Variants in TRMT11 observed in about 807,000 individuals in gnomAD.
TRMT11 encodes tRNA (guanine(10)-N(2))-methyltransferase TRMT11.
Under a neutral mutation model 62.8 loss-of-function variants are expected in TRMT11, and 53 were observed. The observed-to-expected ratio is 0.84, with a 90% confidence interval of 0.68 to 1.06. The LOEUF is 1.06. Among genes scored for constraint, TRMT11 ranks in the 50% least tolerant of loss-of-function variants. TRMT11 has a pLI of 0.00. For synonymous variants in TRMT11, 188 were observed against 190.3 expected, an observed-to-expected ratio of 0.99 and a Z score of 0.10; for missense variants, 556 against 553.4, an observed-to-expected ratio of 1.00 and a Z score of -0.05.
At chr6:126,007,401 C>T (rs569036044) in intron 7 of TRMT11, among the ~76,000 whole-genome samples, 1 of 151,906 alleles carries the variant, frequency 6.6e-6, no homozygotes, top group South Asian at 2.1e-4. Flanking sequence ...ATTTTTTCCC[C>T]TTGTCCAAGT....
intron 21 of TRMT11, among the ~76,000 whole-genome samples, chr6:126,158,502 C>A (rs538862315): frequency 6.6e-6 from 1 of 152,236 alleles, no homozygotes; most frequent in South Asian, 2.1e-4. Flanking sequence ...ATGAGGCCAA[C>A]AATTGTTGAT....
chr6:126,011,204 A>T, intron 8 of TRMT11, 49 bp from the exon 9 acceptor site: 1 of 1,456,506 alleles, frequency 6.9e-7, no homozygotes, highest in Non-Finnish European at 9.3e-7. Flanking sequence ...GACAGAAAAT[A>T]AGAATACTCT....
At chr6:126,242,102 C>A in the TRMT11 span, among the ~76,000 whole-genome samples, 1 of 152,172 alleles carries the variant, frequency 6.6e-6, no homozygotes, top group African/African-American at 2.4e-5. Context: ...GATACAAAAT[C>A]AATGTGCAAA....
intron 21 of TRMT11, among the ~76,000 whole-genome samples, chr6:126,155,713 A>C (rs1256348908): frequency 6.6e-6 from 1 of 152,154 alleles, no homozygotes; most frequent in Non-Finnish European, 1.5e-5. Context: ...CCCAGCAGGC[A>C]AGTTATTAAA....
chr6:126,140,767 C>T (rs1777908020), intron 21 of TRMT11, among the ~76,000 whole-genome samples: 1 of 152,040 alleles, frequency 6.6e-6, no homozygotes, highest in Non-Finnish European at 1.5e-5. Context: ...AGTATTTGTA[C>T]TATATGCTGC....
the TRMT11 span, among the ~76,000 whole-genome samples, chr6:126,229,754 G>A: frequency 2.0e-5 from 3 of 152,144 alleles, no homozygotes; most frequent in African/African-American, 7.2e-5. Context: ...CTATGAATGA[G>A]GCAGGAAGCA....
intron 1 of TRMT11, among the ~76,000 whole-genome samples, chr6:125,989,950 A>C (rs1162875482): frequency 1.3e-5 from 2 of 152,028 alleles, no homozygotes; most frequent in Non-Finnish European, 2.9e-5. Flanking sequence ...ATTGATTTTT[A>C]CATAGGAAGT....
intron 21 of TRMT11, among the ~76,000 whole-genome samples, chr6:126,120,476 T>C (rs555076353): frequency 1.3e-5 from 2 of 152,260 alleles, no homozygotes; most frequent in Non-Finnish European, 1.5e-5. Context: ...AGCAAATGTT[T>C]GTGTCAACGT....
rs766129748 is a variant in TRMT11, at chr6:126,021,161, T to C, written c.1141T>C (p.Tyr381His). ...AACAGTCAGCTGTTCTTTCTTCAGA[T>C]ACACTGAAGAGATGGTGCCTTGGCA... ...VYWLPVYTPE[Y>H]TEEMVPWHPC... The change falls in exon 12 of 13, where the codon TAC becomes CAC. Residue 381 changes from tyrosine (Y) to histidine (H), a missense_variant and splice_region_variant. Physicochemically the swap from Tyr to His is moderately conservative, Grantham distance 83. Transcript: ENST00000334379. 2.5e-6 allele frequency: 4 copies of C among 1,613,880 alleles called. No individual in the cohort carries two copies. In the African/African-American group the frequency reaches 4.0e-5, roughly 16 times the overall value.
intron 21 of TRMT11, among the ~76,000 whole-genome samples, chr6:126,127,027 A>G (rs116835460): frequency 0.038 from 5,714 of 152,220 alleles, 246 homozygotes; most frequent in African/African-American, 0.1. Flanking sequence ...TCAACAAAAA[A>G]TCAAATATAA....
At chr6:125,993,385 AT>A (rs1270191381) in intron 1 of TRMT11, among the ~76,000 whole-genome samples, 1 of 152,070 alleles carries the variant, frequency 6.6e-6, no homozygotes, top group Non-Finnish European at 1.5e-5. Context: ...CTGGCTGATT[AT>A]TTTTTTCTTT....
At chr6:126,009,477 T>C (rs535443806) in intron 8 of TRMT11, 1 of 152,178 alleles carries the variant, frequency 6.6e-6, no homozygotes, top group South Asian at 2.1e-4. Flanking sequence ...AGATTATTTG[T>C]GTTTATGTTG....
At chr6:126,075,817 C>G (rs1226917048) in intron 17 of TRMT11, among the ~76,000 whole-genome samples, 3 of 152,138 alleles carry the variant, frequency 2.0e-5, no homozygotes, top group African/African-American at 7.2e-5. Context: ...GTCCATCCAT[C>G]TGGACCATAG....
At chr6:126,257,990 C>G in the TRMT11 span, 1 of 1,547,950 alleles carries the variant, frequency 6.5e-7, no homozygotes, top group Non-Finnish European at 8.9e-7. Flanking sequence ...GGATGAAGGC[C>G]TCGGTGGGTT....
chr6:126,173,338 C>A (rs150563460), upstream of TRMT11, among the ~76,000 whole-genome samples: 8 of 152,232 alleles, frequency 5.3e-5, no homozygotes, highest in East Asian at 1.4e-3. Flanking sequence ...CCGTTTCCAC[C>A]TTTCTGTCAG....
chr6:126,066,777 A>G (rs1442587483), intron 17 of TRMT11, among the ~76,000 whole-genome samples: 1 of 152,126 alleles, frequency 6.6e-6, no homozygotes, highest in Non-Finnish European at 1.5e-5. Context: ...GACAAGTCAC[A>G]TGGCTTATCA....
At chr6:126,084,413 A>G (rs1397479818) in intron 17 of TRMT11, among the ~76,000 whole-genome samples, 1 of 152,032 alleles carries the variant, frequency 6.6e-6, no homozygotes, top group Non-Finnish European at 1.5e-5. Flanking sequence ...TCTTTTGCCC[A>G]TTTTATAATC....
intron 17 of TRMT11, among the ~76,000 whole-genome samples, chr6:126,077,870 C>G (rs1199019134): frequency 1.3e-5 from 2 of 152,126 alleles, no homozygotes; most frequent in Non-Finnish European, 2.9e-5. Context: ...AGAAAAGAGG[C>G]TGCAATCATA....
At chr6:126,234,795 A>G in the TRMT11 span, among the ~76,000 whole-genome samples, 1 of 152,258 alleles carries the variant, frequency 6.6e-6, no homozygotes, top group East Asian at 1.9e-4. Flanking sequence ...AGCTCTAATA[A>G]TTTTAAAGGA....
Sources: gnomAD v4.1 joint callset for allele counts (sites outside exome capture counted in the v4.1 genomes callset) on GRCh38, gnomAD v4.1.1 for gene constraint, MANE v1.5 for transcripts, NCBI Gene and HGNC (gene_info 2026-07-23, HGNC 2026-07-21) for gene names.